The following PATJ variants were observed in gnomAD, a reference collection of about 807,000 sequenced individuals.
PATJ encodes the protein PATJ crumbs cell polarity complex component.
In PATJ, 190 loss-of-function variants were observed where a neutral mutation model predicts 224.9. The ratio of observed to expected loss-of-function variants is 0.84; its 90% CI spans 0.75 to 0.95. PATJ has a LOEUF of 0.95. PATJ is among the 40% of genes least tolerant of loss of function. The pLI is 0.00. For synonymous variants in PATJ, 769 were observed against 820.3 expected, an observed-to-expected ratio of 0.94 and a Z score of 1.07; for missense variants, 2,121 against 2,270.3, an observed-to-expected ratio of 0.93 and a Z score of 1.34.
chr1:61,910,536 CTTTTTTTTTT>C lies in PATJ; in HGVS notation c.3492+2073_3492+2082del, dbSNP rs71050181. 4.3e-4 allele frequency among the ~76,000 whole-genome samples: 18 copies of C among 42,268 alleles called. No individual in the cohort carries two copies. In the South Asian group the frequency reaches 5.9e-3, roughly 14 times the overall value. 27.7% of individuals were successfully genotyped at this position (42,268 alleles called of 152,430 possible). A position where few individuals can be genotyped will look rare whatever the true frequency, so the allele number is the denominator to read the frequency against. ...ACTTTGTTTATAGGGCAAAGTGACT[CTTTTTTTTTT>C]TTTTTTTTTTTTTTTTTTGGAGACA... On this transcript the variant is annotated intron_variant, in intron 25 of 43. Coordinates refer to ENST00000642238, the MANE Select transcript of PATJ (RefSeq NM_001350145.3).
chr1:61,880,801 A>G (rs946434371), intron 21 of PATJ, among the ~76,000 whole-genome samples: 2 of 152,224 alleles, frequency 1.3e-5, no homozygotes, highest in African/African-American at 4.8e-5. Context: ...ACATTGCAGG[A>G]AAAACTGTTT....
intron 33 of PATJ, among the ~76,000 whole-genome samples, chr1:62,102,859 CAAAAAAAAAAAA>C (rs1162014751): frequency 1.1e-4 from 5 of 47,028 alleles, no homozygotes; most frequent in Admixed American, 5.3e-4. Context: ...TACCCTGTCT[CAAAAAAAAAAAA>C]AAAAAAAAAA....
intron 41 of PATJ, among the ~76,000 whole-genome samples, chr1:62,132,883 G>A (rs1666410534): frequency 6.6e-6 from 1 of 151,978 alleles, no homozygotes; most frequent in African/African-American, 2.4e-5. Flanking sequence ...CGGCCTGGAT[G>A]ACAGTGAGAC....
intron 19 of PATJ, among the ~76,000 whole-genome samples, chr1:61,862,322 G>A (rs1448772228): frequency 8.6e-5 from 13 of 151,654 alleles, no homozygotes; most frequent in African/African-American, 2.7e-4. Flanking sequence ...TCAGCCTTCC[G>A]AGTAGCTGGG....
chr1:61,990,058 A>G, intron 27 of PATJ, 110 bp from the exon 28 acceptor site: 1 of 850,644 alleles, frequency 1.2e-6, no homozygotes, highest in African/African-American at 1.7e-5. Flanking sequence ...CTCTTAAAAA[A>G]CAAAAAAGGT....
rs887328762 is a variant in PATJ at position 61,864,177 on chromosome 1, C to G, written c.2440-61C>G. On this transcript the variant is annotated intron_variant, in intron 19 of 43. Coordinates refer to ENST00000642238, the MANE Select transcript of PATJ (RefSeq NM_001350145.3). ...AGCATTTGAAAATTTTCCAGTTTATCTATATAGTGCAGCTTCAGGACAGGC... is the reference window on the plus strand; with the variant it reads ...AGCATTTGAAAATTTTCCAGTTTATGTATATAGTGCAGCTTCAGGACAGGC... 12 of 1,442,714 alleles carry G rather than the reference C, an allele frequency of 8.3e-6. No individual in the cohort carries two copies. In the African/African-American group the frequency reaches 1.4e-4, roughly 17 times the overall value. The allele number at this position is 1,442,714 out of a possible 1,614,324, so 89.4% of individuals were successfully genotyped here.
intron 7 of PATJ, among the ~76,000 whole-genome samples, chr1:61,780,107 C>T (rs1447976696): frequency 6.6e-6 from 1 of 152,156 alleles, no homozygotes; most frequent in Non-Finnish European, 1.5e-5. Context: ...GGGGGACAAA[C>T]ATCCAAACTG....
At chr1:61,973,246 C>T (rs937882957) in intron 27 of PATJ, among the ~76,000 whole-genome samples, 4 of 151,916 alleles carry the variant, frequency 2.6e-5, no homozygotes, top group Non-Finnish European at 2.9e-5. Context: ...AGTGGGGCTG[C>T]GAGCAATAAA....
At chr1:61,782,583 G>T (rs1647563849) in intron 7 of PATJ, among the ~76,000 whole-genome samples, 1 of 152,070 alleles carries the variant, frequency 6.6e-6, no homozygotes, top group African/African-American at 2.4e-5. Flanking sequence ...TGATTTATAG[G>T]AATCTTTTAA....
At chr1:61,869,594 T>G (rs980600478) in intron 20 of PATJ, among the ~76,000 whole-genome samples, 2 of 152,194 alleles carry the variant, frequency 1.3e-5, no homozygotes, top group South Asian at 2.1e-4. Context: ...CTGTTAAATC[T>G]AAAGTATCTT....
At chr1:61,910,308 A>T (rs1672431779) in intron 25 of PATJ, among the ~76,000 whole-genome samples, 1 of 152,190 alleles carries the variant, frequency 6.6e-6, no homozygotes, top group Non-Finnish European at 1.5e-5. Context: ...TGACACAAAC[A>T]GTGCAATTTC....
chr1:62,096,502 A>G (rs1463861080), intron 33 of PATJ, among the ~76,000 whole-genome samples: 1 of 152,162 alleles, frequency 6.6e-6, no homozygotes, highest in African/African-American at 2.4e-5. Flanking sequence ...TGGGAAAAAT[A>G]ATCTAAAATA....
chr1:62,040,310 T>C (rs370338298), intron 30 of PATJ, among the ~76,000 whole-genome samples: 43 of 152,076 alleles, frequency 2.8e-4, no homozygotes, highest in African/African-American at 9.6e-4. Flanking sequence ...GGTTTCACCA[T>C]GTTGGCCAGG....
At chr1:61,994,599 G>A (rs1056694881) in intron 28 of PATJ, among the ~76,000 whole-genome samples, 1 of 151,424 alleles carries the variant, frequency 6.6e-6, no homozygotes, top group African/African-American at 2.4e-5. Flanking sequence ...TTGTTGCCCA[G>A]TCTGGAGTGC....
intron 28 of PATJ, among the ~76,000 whole-genome samples, chr1:61,995,908 T>C (rs915642072): frequency 2.6e-5 from 4 of 152,180 alleles, no homozygotes; most frequent in Non-Finnish European, 5.9e-5. Context: ...AAAGAGTTGA[T>C]GGTGCTGTGC....
At chr1:61,922,735 A>G (rs186498800) in intron 26 of PATJ, among the ~76,000 whole-genome samples, 33 of 152,336 alleles carry the variant, frequency 2.2e-4, no homozygotes, top group Admixed American at 1.9e-3. Flanking sequence ...AATCTACCCT[A>G]TTGCTGGAAT....
At chr1:62,106,079 T>TACACAC (rs1229837123) in intron 33 of PATJ, among the ~76,000 whole-genome samples, 1,393 of 20,752 alleles carry the variant, frequency 0.067, 132 homozygotes, top group Non-Finnish European at 0.091. Context: ...TATATATATA[T>TACACAC]ACACACACAC....
intron 14 of PATJ, among the ~76,000 whole-genome samples, chr1:61,809,650 G>T (rs1188360566): frequency 2.0e-5 from 3 of 152,068 alleles, no homozygotes; most frequent in African/African-American, 4.8e-5. Context: ...GCCTCCCAAA[G>T]TGCTGGGATT....
chr1:62,017,743 A>G (rs140898379), intron 28 of PATJ, 113 bp from the exon 29 acceptor site: 69,836 of 514,732 alleles, frequency 0.14, 5,209 homozygotes, highest in Non-Finnish European at 0.17. Flanking sequence ...AAAAAAAAAA[A>G]AAAAGAAAAG....
Sources: gnomAD v4.1 joint callset for allele counts (sites outside exome capture counted in the v4.1 genomes callset) on GRCh38, gnomAD v4.1.1 for gene constraint, MANE v1.5 for transcripts, NCBI Gene and HGNC (gene_info 2026-07-23, HGNC 2026-07-21) for gene names.